Variants in PPP6R2 observed in about 807,000 individuals in gnomAD.
PPP6R2 encodes the protein protein phosphatase 6 regulatory subunit 2.
PPP6R2 carries 62 observed loss-of-function variants against 100.2 expected under a neutral mutation model. That is an observed-to-expected ratio of 0.62 (90% CI 0.50 to 0.76). The LOEUF is 0.76. PPP6R2 is among the 30% of genes least tolerant of loss of function. The pLI is 0.00. For synonymous variants in PPP6R2, 525 were observed against 514.7 expected, an observed-to-expected ratio of 1.02 and a Z score of -0.27; for missense variants, 1,142 against 1,276.3, an observed-to-expected ratio of 0.89 and a Z score of 1.60.
intron 1 of PPP6R2, among the ~76,000 whole-genome samples, chr22:50,351,960 A>AT (rs1475085148): frequency 6.6e-6 from 1 of 152,032 alleles, no homozygotes; most frequent in Admixed American, 6.6e-5. Flanking sequence ...TGCCCAGCTA[A>AT]TTTTTTTGTA....
At chr22:50,334,477 T>C in the PPP6R2 span, among the ~76,000 whole-genome samples, 5 of 152,194 alleles carry the variant, frequency 3.3e-5, no homozygotes, top group African/African-American at 4.8e-5. Flanking sequence ...TAATTAGTAA[T>C]ATTCATATAT....
intron 2 of PPP6R2, among the ~76,000 whole-genome samples, chr22:50,389,407 A>G (rs2054942834): frequency 6.6e-6 from 1 of 152,112 alleles, no homozygotes; most frequent in Non-Finnish European, 1.5e-5. Flanking sequence ...AGATAGGAGA[A>G]AACTTGGAAA....
At chr22:50,433,484 G>A (rs1170035242) in intron 12 of PPP6R2, among the ~76,000 whole-genome samples, 3 of 81,374 alleles carry the variant, frequency 3.7e-5, no homozygotes, top group Admixed American at 1.3e-4. Context: ...CTGGGGGTGC[G>A]GACGCTGGGC....
intron 10 of PPP6R2, among the ~76,000 whole-genome samples, chr22:50,425,824 C>T (rs1052539422): frequency 3.3e-5 from 5 of 149,446 alleles, no homozygotes; most frequent in Non-Finnish European, 1.5e-5. Context: ...TGAATAGCTT[C>T]GTTGGAGAAA....
upstream of PPP6R2, chr22:50,343,254 C>T (rs934271074): frequency 2.7e-5 from 4 of 150,350 alleles, no homozygotes; most frequent in Non-Finnish European, 6.0e-5. Flanking sequence ...ACCCGCGCGG[C>T]CCCGCCCCCG....
chr22:50,353,910 A>G (rs1283296057), intron 1 of PPP6R2, among the ~76,000 whole-genome samples: 1 of 152,118 alleles, frequency 6.6e-6, no homozygotes, highest in African/African-American at 2.4e-5. Context: ...GGAAGAACAA[A>G]GAAAATTAAA....
At chr22:50,432,171 C>A in intron 11 of PPP6R2, 94 bp from the exon 12 acceptor site, 1 of 1,197,100 alleles carries the variant, frequency 8.4e-7, no homozygotes, top group South Asian at 1.4e-5. Context: ...ACAGACGTGG[C>A]CGCCAGCCAG....
chr22:50,335,659 G>A, the PPP6R2 span, among the ~76,000 whole-genome samples: 14 of 147,916 alleles, frequency 9.5e-5, no homozygotes, highest in East Asian at 2.0e-3. Flanking sequence ...CTACAGGTGC[G>A]CACCACCACA....
intron 12 of PPP6R2, among the ~76,000 whole-genome samples, chr22:50,434,272 G>A (rs2063713426): frequency 1.5e-5 from 1 of 68,468 alleles, no homozygotes; most frequent in South Asian, 6.8e-4. Context: ...GGTGAACCTG[G>A]AGGAGGGCCG....
chr22:50,382,941 G>A (rs906473027), intron 2 of PPP6R2, among the ~76,000 whole-genome samples: 1 of 151,480 alleles, frequency 6.6e-6, no homozygotes. Flanking sequence ...AGACTCAAGC[G>A]ATTCTCCTGC....
chr22:50,366,042 A>C (rs1181318523), intron 1 of PPP6R2, among the ~76,000 whole-genome samples: 1 of 152,108 alleles, frequency 6.6e-6, no homozygotes, highest in East Asian at 1.9e-4. Context: ...CTTGTTGGAT[A>C]CTGAGCATTT....
intron 3 of PPP6R2, among the ~76,000 whole-genome samples, chr22:50,405,108 C>T (rs1261326737): frequency 2.0e-5 from 3 of 152,220 alleles, no homozygotes; most frequent in African/African-American, 4.8e-5. Flanking sequence ...GGGTGTTTCT[C>T]CCGTCTAGGG....
At chr22:50,384,383 G>A (rs1051055785) in intron 2 of PPP6R2, among the ~76,000 whole-genome samples, 34 of 152,006 alleles carry the variant, frequency 2.2e-4, no homozygotes, top group African/African-American at 8.0e-4. Context: ...GTGAAACCCC[G>A]TCTCTACTAA....
chr22:50,394,600 T>TAA (rs67708136), intron 3 of PPP6R2, among the ~76,000 whole-genome samples: 167 of 80,532 alleles, frequency 2.1e-3, no homozygotes, highest in Admixed American at 5.0e-3. Flanking sequence ...ACCCTGTCTT[T>TAA]AAAAAAAAAA....
intron 8 of PPP6R2, among the ~76,000 whole-genome samples, chr22:50,420,426 G>A (rs1470201329): frequency 6.6e-6 from 1 of 152,228 alleles, no homozygotes; most frequent in Non-Finnish European, 1.5e-5. Context: ...ACAGTGAATG[G>A]GCAGAGACAG....
Position 50,410,768 on chromosome 22 carries a change from A to G in PPP6R2, c.415-3784A>G, listed in dbSNP as rs549801194. ...TTTAGAAAATGTCACAATTGGAGGA[A>G]ACATGTCAAAGCATACAAGGATTTT... On this transcript the variant is annotated intron_variant, in intron 4 of 23. Coordinates refer to ENST00000612753, the MANE Select transcript of PPP6R2 (RefSeq NM_001242898.2). Among the ~76,000 whole-genome samples, 13 of 152,018 alleles carry G rather than the reference A, an allele frequency of 8.6e-5. No homozygotes were observed. The East Asian group carries it at 2.5e-3, about 30-fold the overall frequency.
chr22:50,333,521 A>G, the PPP6R2 span, among the ~76,000 whole-genome samples: 1 of 151,882 alleles, frequency 6.6e-6, no homozygotes, highest in Non-Finnish European at 1.5e-5. Context: ...TTTTAGTAGA[A>G]ACAGGTTTCA....
chr22:50,359,237 G>GA (rs2047283991), intron 1 of PPP6R2, among the ~76,000 whole-genome samples: 1 of 64,462 alleles, frequency 1.6e-5, no homozygotes, highest in Admixed American at 1.6e-4. Context: ...TTTTTTTTTT[G>GA]AAACTGAGTC....
At chr22:50,348,466 T>C (rs1227105812) in intron 1 of PPP6R2, among the ~76,000 whole-genome samples, 3 of 152,152 alleles carry the variant, frequency 2.0e-5, no homozygotes, top group Non-Finnish European at 4.4e-5. Context: ...TCTGGGCTGC[T>C]TTTATCCTCC....
Sources: allele counts gnomAD v4.1 joint callset (sites outside exome capture counted in the v4.1 genomes callset), GRCh38; gene constraint gnomAD v4.1.1; transcripts MANE v1.5; gene names NCBI Gene and HGNC (gene_info 2026-07-23, HGNC 2026-07-21).